The following PTPRD variants were observed in gnomAD, a reference collection of about 807,000 sequenced individuals.
The protein encoded by PTPRD is receptor-type tyrosine-protein phosphatase delta.
A neutral mutation model predicts 214.5 loss-of-function variants in PTPRD; 34 were observed. That is an observed-to-expected ratio of 0.16 (90% CI 0.12 to 0.21). The LOEUF is 0.21. Among genes scored for constraint, PTPRD ranks in the 10% least tolerant of loss-of-function variants. The probability of loss-of-function intolerance (pLI) is 1.00; values close to 1 mark genes in which losing one functional copy is unlikely to be tolerated. For synonymous variants in PTPRD, 1,128 were observed against 845.7 expected (o/e 1.33, Z -5.79); for missense variants, 2,545 against 2,398.7 (o/e 1.06, Z -1.27).
Position 9,873,631 on chromosome 9 carries a change from A to C in PTPRD, c.-368+64876T>G, listed in dbSNP as rs568388426. On this transcript the variant is annotated intron_variant, in intron 5 of 45. Coordinates refer to ENST00000381196, the MANE Select transcript of PTPRD (RefSeq NM_002839.4). ...TAATGCCATGCCTATAGTTATCTAA[A>C]CATCTAAAATATAACAGCAAATTAG... Among the ~76,000 whole-genome samples the C allele has an allele frequency of 5.3e-5, 8 of 152,300 alleles. No homozygotes were observed. The East Asian group carries it at 1.5e-3, about 29-fold the overall frequency.
rs529526868 is a variant in PTPRD, at chr9:10,149,735, T to G, written c.-544-115945A>C. On this transcript the variant is annotated intron_variant, in intron 3 of 45. Coordinates refer to ENST00000381196, the MANE Select transcript of PTPRD (RefSeq NM_002839.4). ...CACAATACCTTGTCTTTTTTTTTCT[T>G]TTTTTTTTTTTCTGAGATGGAGTCT... Among the ~76,000 whole-genome samples the G allele has an allele frequency of 4.2e-5, 6 of 142,402 alleles. No individual in the cohort carries two copies. The East Asian group carries it at 1.2e-3, about 28-fold the overall frequency. 93.4% of individuals were successfully genotyped at this position (142,402 alleles called of 152,430 possible). A position where few individuals can be genotyped will look rare whatever the true frequency, so the allele number is the denominator to read the frequency against.
At chr9:8,803,606 G>A (rs956543673) in intron 11 of PTPRD, among the ~76,000 whole-genome samples, 1 of 152,014 alleles carries the variant, frequency 6.6e-6, no homozygotes, top group African/African-American at 2.4e-5. Flanking sequence ...GGTGGCACAG[G>A]CCTATAGTCC....
At chr9:10,460,148 A>G (rs2098947990) in intron 2 of PTPRD, among the ~76,000 whole-genome samples, 1 of 152,118 alleles carries the variant, frequency 6.6e-6, no homozygotes, top group African/African-American at 2.4e-5. Context: ...ACAATAGCAT[A>G]AAAAGCTTAG....
At chr9:9,672,364 T>C (rs1289620267) in intron 7 of PTPRD, among the ~76,000 whole-genome samples, 1 of 152,180 alleles carries the variant, frequency 6.6e-6, no homozygotes, top group African/African-American at 2.4e-5. Context: ...GATATTATTA[T>C]CTACATTTAG....
At chr9:9,387,766 C>A (rs1251486509) in intron 9 of PTPRD, among the ~76,000 whole-genome samples, 1 of 152,136 alleles carries the variant, frequency 6.6e-6, no homozygotes, top group Non-Finnish European at 1.5e-5. Flanking sequence ...CTCCCCACTG[C>A]TCAATCCTCT....
chr9:9,074,400 G>C (rs1246397844), intron 10 of PTPRD, among the ~76,000 whole-genome samples: 2 of 152,002 alleles, frequency 1.3e-5, no homozygotes, highest in Non-Finnish European at 2.9e-5. Flanking sequence ...AATTTTGGTG[G>C]AACACTCACT....
At chr9:9,069,635 A>G (rs974714008) in intron 10 of PTPRD, among the ~76,000 whole-genome samples, 2 of 152,244 alleles carry the variant, frequency 1.3e-5, no homozygotes, top group African/African-American at 4.8e-5. Flanking sequence ...TTAAATGCCA[A>G]TTATTTAGTT....
chr9:10,385,921 T>C (rs1023781410), intron 2 of PTPRD, among the ~76,000 whole-genome samples: 1 of 151,858 alleles, frequency 6.6e-6, no homozygotes, highest in Non-Finnish European at 1.5e-5. Flanking sequence ...CATGAAATAA[T>C]ACTAGCAAAA....
At chr9:10,115,847 G>T (rs930652863) in intron 3 of PTPRD, among the ~76,000 whole-genome samples, 1 of 151,970 alleles carries the variant, frequency 6.6e-6, no homozygotes, top group Non-Finnish European at 1.5e-5. Flanking sequence ...CAAAAACGGG[G>T]TACTAAAATA....
At chr9:9,727,080 T>A (rs1459450970) in intron 7 of PTPRD, among the ~76,000 whole-genome samples, 1 of 152,148 alleles carries the variant, frequency 6.6e-6, no homozygotes, top group East Asian at 1.9e-4. Flanking sequence ...ATACAGCAAA[T>A]GTGTGCTTAA....
chr9:9,895,792 C>G (rs940341091), intron 5 of PTPRD, among the ~76,000 whole-genome samples: 1 of 152,008 alleles, frequency 6.6e-6, no homozygotes, highest in Admixed American at 6.6e-5. Context: ...GTTTAGTGCT[C>G]ATGGCATGCA....
chr9:8,483,362 T>A (rs1432031020), intron 30 of PTPRD, among the ~76,000 whole-genome samples: 2 of 152,226 alleles, frequency 1.3e-5, no homozygotes, highest in Non-Finnish European at 2.9e-5. Flanking sequence ...TTTCAACCTT[T>A]TAGTACTTTG....
chr9:10,114,372 G>C (rs563308323), intron 3 of PTPRD, among the ~76,000 whole-genome samples: 1 of 152,184 alleles, frequency 6.6e-6, no homozygotes, highest in East Asian at 1.9e-4. Context: ...ATATTTTCTT[G>C]ATTCTTAGGC....
intron 8 of PTPRD, among the ~76,000 whole-genome samples, chr9:9,520,587 A>G (rs1318892079): frequency 2.6e-5 from 4 of 152,156 alleles, no homozygotes; most frequent in Admixed American, 6.6e-5. Flanking sequence ...AATAACTTTC[A>G]AAGGCGCAGA....
At chr9:8,874,945 T>C (rs1402152994) in intron 11 of PTPRD, among the ~76,000 whole-genome samples, 1 of 152,180 alleles carries the variant, frequency 6.6e-6, no homozygotes, top group Non-Finnish European at 1.5e-5. Flanking sequence ...TTCTGGTGGA[T>C]GCAGAGGAGA....
chr9:10,455,859 C>T (rs1355921875), intron 2 of PTPRD, among the ~76,000 whole-genome samples: 2 of 151,650 alleles, frequency 1.3e-5, no homozygotes, highest in African/African-American at 4.8e-5. Context: ...TATGTAAAAC[C>T]AATTGTGTTA....
intron 11 of PTPRD, among the ~76,000 whole-genome samples, chr9:8,991,343 T>A (rs1222338012): frequency 6.6e-6 from 1 of 152,156 alleles, no homozygotes; most frequent in South Asian, 2.1e-4. Context: ...CTTGTTAACC[T>A]ATCTTTTGTT....
chr9:8,730,968 A>C (rs1405803618), intron 12 of PTPRD, among the ~76,000 whole-genome samples: 1 of 152,226 alleles, frequency 6.6e-6, no homozygotes, highest in Non-Finnish European at 1.5e-5. Flanking sequence ...AATCAGATAC[A>C]AACACACGTC....
At chr9:10,388,157 T>C (rs562834295) in intron 2 of PTPRD, among the ~76,000 whole-genome samples, 2 of 151,934 alleles carry the variant, frequency 1.3e-5, no homozygotes, top group African/African-American at 4.8e-5. Flanking sequence ...GAAATGTAAA[T>C]ATAAATTACA....
Sources: gnomAD v4.1 joint callset for allele counts (sites outside exome capture counted in the v4.1 genomes callset) on GRCh38, gnomAD v4.1.1 for gene constraint, MANE v1.5 for transcripts, NCBI Gene and HGNC (gene_info 2026-07-23, HGNC 2026-07-21) for gene names.